SLC12A1: variants seen among roughly 807,000 people sequenced by gnomAD.
The protein encoded by SLC12A1 is Na-K-2Cl cotransporter.
Under a neutral mutation model 130.4 loss-of-function variants are expected in SLC12A1, and 89 were observed. The ratio of observed to expected loss-of-function variants is 0.68; its 90% CI spans 0.58 to 0.81. The LOEUF (loss-of-function observed/expected upper bound fraction) is 0.81, where lower values mean the gene tolerates loss of function less well. Ranked by LOEUF, SLC12A1 falls within the 40% of genes least tolerant of loss-of-function variation. The pLI is 0.00. For missense variants in SLC12A1, 1,310 were observed against 1,336.4 expected (o/e 0.98, Z 0.31); for synonymous variants, 499 against 460.0 (o/e 1.08, Z -1.09).
chr15:48,206,869 G>C (rs1335800421), intron 1 of SLC12A1, among the ~76,000 whole-genome samples: 1 of 151,688 alleles, frequency 6.6e-6, no homozygotes, highest in African/African-American at 2.4e-5. Flanking sequence ...TTTTTTTAAG[G>C]TTTCATGTTA....
chr15:48,291,025 G>C (rs1345009481), intron 23 of SLC12A1, among the ~76,000 whole-genome samples: 1 of 151,812 alleles, frequency 6.6e-6, no homozygotes, highest in Admixed American at 6.6e-5. Context: ...AGGGGTAAAG[G>C]TGCCTAATAT....
At chr15:48,260,257 T>C (rs1398464145) in intron 17 of SLC12A1, among the ~76,000 whole-genome samples, 1 of 146,604 alleles carries the variant, frequency 6.8e-6, no homozygotes, top group Non-Finnish European at 1.5e-5. Context: ...AGAGCAAGAC[T>C]CCATAATAAT....
chr15:48,289,499 C>CAT (rs10669720), intron 23 of SLC12A1, among the ~76,000 whole-genome samples: 46,753 of 146,768 alleles, frequency 0.32, 9,816 homozygotes, highest in African/African-American at 0.58. Flanking sequence ...TACACACACA[C>CAT]AGTTATACAC....
chr15:48,221,241 TAG>T, intron 4 of SLC12A1: 1 of 675,832 alleles, frequency 1.5e-6, no homozygotes, highest in Non-Finnish European at 2.7e-6. Flanking sequence ...TCTCTTTTGA[TAG>T]AGTTTTAGGT....
intron 4 of SLC12A1, chr15:48,223,945 T>C (rs922662514): frequency 6.6e-6 from 1 of 152,334 alleles, no homozygotes; most frequent in Admixed American, 6.5e-5. Flanking sequence ...TAGAGGCTGC[T>C]GTTAGAGACA....
At chr15:48,214,807 T>C (rs2041099967) in intron 2 of SLC12A1, among the ~76,000 whole-genome samples, 1 of 152,182 alleles carries the variant, frequency 6.6e-6, no homozygotes, top group Admixed American at 6.5e-5. Flanking sequence ...ATGTTGATCA[T>C]TGTTGAAACT....
intron 4 of SLC12A1, chr15:48,224,582 G>T (rs2041259459): frequency 6.6e-6 from 1 of 152,176 alleles, no homozygotes; most frequent in Admixed American, 6.5e-5. Context: ...GAAGATAAGA[G>T]CTTGTCAGCA....
At chr15:48,251,201 T>C (rs903927628) in intron 14 of SLC12A1, among the ~76,000 whole-genome samples, 3 of 151,866 alleles carry the variant, frequency 2.0e-5, no homozygotes, top group Non-Finnish European at 4.4e-5. Flanking sequence ...AAAAAGCCCA[T>C]TGTTTTCTCT....
At chr15:48,284,307 T>G (rs1258797221) in intron 20 of SLC12A1, among the ~76,000 whole-genome samples, 2 of 152,234 alleles carry the variant, frequency 1.3e-5, no homozygotes, top group Non-Finnish European at 2.9e-5. Flanking sequence ...TTTTGTTATC[T>G]TTTCTTAATT....
Position 48,230,433 on chromosome 15 carries a change from G to C in SLC12A1, c.905G>C (p.Arg302Pro). The change falls in exon 7 of 27, where the codon CGG becomes CCG. Residue 302 changes from arginine to proline, a missense_variant. Arg to Pro is a moderately radical substitution (Grantham distance 103, BLOSUM62 -2). Transcript: ENST00000380993. ...SMMVDPTNDI[R>P]IIGSITVVIL... ...ATGGTGGATCCAACCAATGACATCC[G>C]GATTATAGGCTCCATCACAGTGGTG... 6.2e-7 allele frequency: 1 copy of C among 1,612,934 alleles called. No individual in the cohort carries two copies.
intron 21 of SLC12A1, among the ~76,000 whole-genome samples, chr15:48,287,437 TGAAAA>T (rs1169582520): frequency 6.6e-6 from 1 of 152,082 alleles, no homozygotes; most frequent in East Asian, 1.9e-4. Flanking sequence ...CAAGATTCCT[TGAAAA>T]GAAAGCAGAA....
chr15:48,213,232 T>C (rs889190853), intron 2 of SLC12A1, among the ~76,000 whole-genome samples: 8 of 152,164 alleles, frequency 5.3e-5, no homozygotes, highest in African/African-American at 1.9e-4. Context: ...CTTGGCACTT[T>C]TCATTAACTC....
intron 24 of SLC12A1, among the ~76,000 whole-genome samples, chr15:48,296,523 G>C (rs535767580): frequency 9.2e-5 from 14 of 152,196 alleles, no homozygotes; most frequent in African/African-American, 3.4e-4. Context: ...CAATTAAGTA[G>C]GTAATTTAGT....
chr15:48,276,934 G>A (rs1168719449), intron 20 of SLC12A1, among the ~76,000 whole-genome samples: 3 of 152,198 alleles, frequency 2.0e-5, no homozygotes, highest in Non-Finnish European at 4.4e-5. Context: ...TGTACAGTAA[G>A]ATCATGAATC....
intron 17 of SLC12A1, among the ~76,000 whole-genome samples, chr15:48,265,326 T>C (rs1378574543): frequency 3.3e-5 from 5 of 152,224 alleles, no homozygotes; most frequent in Non-Finnish European, 7.3e-5. Context: ...CATTAGACTG[T>C]GTTTATTTAA....
At chr15:48,217,652 G>A (rs957108880) in intron 2 of SLC12A1, among the ~76,000 whole-genome samples, 6 of 152,032 alleles carry the variant, frequency 3.9e-5, no homozygotes, top group Non-Finnish European at 8.8e-5. Flanking sequence ...GACCTACCCA[G>A]AAGAAACAAT....
At chr15:48,243,615 C>T (rs2041543682) in intron 10 of SLC12A1, among the ~76,000 whole-genome samples, 1 of 152,210 alleles carries the variant, frequency 6.6e-6, no homozygotes, top group Admixed American at 6.5e-5. Flanking sequence ...AGATCGTGCA[C>T]TGCACTCCAG....
intron 15 of SLC12A1, among the ~76,000 whole-genome samples, chr15:48,253,162 T>C (rs1393789530): frequency 6.6e-6 from 1 of 152,232 alleles, no homozygotes; most frequent in Non-Finnish European, 1.5e-5. Context: ...TGGAGGGGTC[T>C]GTTTAGCTTT....
At chr15:48,226,175 T>TTTTCTC in intron 4 of SLC12A1, 1 of 288,310 alleles carries the variant, frequency 3.5e-6, no homozygotes. Context: ...AAATGTCATG[T>TTTTCTC]TTTCTCTTTT....
Sources: gnomAD v4.1 joint callset for allele counts (sites outside exome capture counted in the v4.1 genomes callset) on GRCh38, gnomAD v4.1.1 for gene constraint, MANE v1.5 for transcripts, NCBI Gene and HGNC (gene_info 2026-07-23, HGNC 2026-07-21) for gene names.